Variants in SUGP1 observed in about 807,000 individuals in gnomAD.
The protein encoded by SUGP1 is SURP and G-patch domain containing 1.
Under a neutral mutation model 76.5 loss-of-function variants are expected in SUGP1, and 34 were observed. The observed-to-expected ratio is 0.44, with a 90% confidence interval of 0.34 to 0.59. SUGP1 has a LOEUF of 0.59. Among genes scored for constraint, SUGP1 ranks in the 20% least tolerant of loss-of-function variants. The pLI is 0.01. For synonymous variants in SUGP1, 326 were observed against 326.2 expected, an observed-to-expected ratio of 1.00 and a Z score of 0.01; for missense variants, 752 against 851.7, an observed-to-expected ratio of 0.88 and a Z score of 1.46.
Position 19,279,201 on chromosome 19 carries a change from T to G in SUGP1, c.1528+12A>C. ...CCCAGCCCAGCCCGGCCCACCCCGC[T>G]GCCCCACATACCCCTGGTCTTATCC... On this transcript the variant is annotated intron_variant, in intron 10 of 13. Transcript: ENST00000247001. The G allele has an allele frequency of 4.2e-5, 48 of 1,148,770 alleles. No homozygotes were observed. The highest frequency in any genetic ancestry group is 5.7e-5 in the Non-Finnish European group (46 of 807,746). 71.2% of individuals were successfully genotyped at this position (1,148,770 alleles called of 1,614,324 possible).
chr19:19,320,428 C>G, intron 1 of SUGP1, 35 bp downstream of exon 1: 2 of 1,606,414 alleles, frequency 1.2e-6, no homozygotes, highest in South Asian at 2.2e-5. Flanking sequence ...CCCAGGGACC[C>G]AGGCGGCCGC....
chr19:19,292,767 C>T (rs2061195821), intron 8 of SUGP1, among the ~76,000 whole-genome samples: 1 of 152,138 alleles, frequency 6.6e-6, no homozygotes, highest in African/African-American at 2.4e-5. Flanking sequence ...AATTCAGCAG[C>T]TTATGAAAGG....
At chr19:19,310,231 A>T in intron 2 of SUGP1, 31 bp from the exon 3 acceptor site, 3 of 1,558,546 alleles carry the variant, frequency 1.9e-6, no homozygotes, top group Non-Finnish European at 1.8e-6. Context: ...AGAGAGGGTG[A>T]GCTGGCTAGA....
intron 8 of SUGP1, among the ~76,000 whole-genome samples, chr19:19,281,998 G>C (rs550555060): frequency 6.6e-6 from 1 of 151,986 alleles, no homozygotes; most frequent in Non-Finnish European, 1.5e-5. Context: ...CATTTTTCCC[G>C]AGATGGAGTC....
intron 8 of SUGP1, among the ~76,000 whole-genome samples, chr19:19,284,479 A>G (rs556579760): frequency 1.3e-5 from 2 of 152,274 alleles, no homozygotes; most frequent in African/African-American, 4.8e-5. Flanking sequence ...AAAAAGAAGA[A>G]GAGAAATTCA....
intron 6 of SUGP1, chr19:19,302,604 G>T (rs2061281067): frequency 6.3e-6 from 4 of 637,250 alleles, no homozygotes; most frequent in South Asian, 2.0e-5. Flanking sequence ...CACAAGGGAG[G>T]TCAAGAGGGC....
chr19:19,317,529 T>C (rs1221215464), intron 1 of SUGP1, among the ~76,000 whole-genome samples: 1 of 152,082 alleles, frequency 6.6e-6, no homozygotes, highest in East Asian at 1.9e-4. Flanking sequence ...CCATTGGGTC[T>C]TTTTTTGAGA....
chr19:19,288,650 G>C (rs375431334), intron 8 of SUGP1, among the ~76,000 whole-genome samples: 17 of 152,168 alleles, frequency 1.1e-4, no homozygotes, highest in African/African-American at 3.9e-4. Context: ...AAGCTACTTG[G>C]GAGCCTAAGG....
chr19:19,302,493 CAA>C, intron 6 of SUGP1, 105 bp from the exon 7 acceptor site: 1 of 1,469,012 alleles, frequency 6.8e-7, no homozygotes, highest in South Asian at 1.3e-5. Flanking sequence ...AGGAATGATG[CAA>C]AGAGAAACAG....
At position 19,303,815 on chromosome 19, in the gene SUGP1, C is replaced by G; in HGVS notation, c.571G>C (p.Val191Leu). ...ACAAAGCGGGCCAATTTCTCTATCA[C>G]TTTCCGAGTCTCGGCTCCCTCTGGG... ...SPPEGAETRK[V>L]IEKLARFVAE... is the part of the protein sequence containing the mutation. Residue 191 changes from valine to leucine, a missense_variant, in exon 5 of 14, where the codon GTG (valine) becomes CTG (leucine). By Grantham distance (32) the Val-to-Leu change is conservative. Transcript: ENST00000247001. The G allele has an allele frequency of 6.2e-7, 1 of 1,614,208 alleles. No homozygotes were observed. Among genetic ancestry groups the G allele is most frequent in the Non-Finnish European group, 8.5e-7 (1 of 1,180,044 alleles).
chr19:19,297,012 T>A lies in SUGP1; in HGVS notation c.1220A>T (p.Asp407Val), dbSNP rs773612129. 6.3e-7 allele frequency: 1 copy of A among 1,587,344 alleles called. No individual in the cohort carries two copies. Among genetic ancestry groups the A allele is most frequent in the Non-Finnish European group, 8.6e-7 (1 of 1,161,152 alleles). The change falls in exon 8 of 14, where the codon GAT (aspartate) becomes GTT (valine). Residue 407 changes from aspartate (D) to valine (V), a missense_variant. Physicochemically the swap from Asp to Val is radical, Grantham distance 152 (BLOSUM62 -3). Transcript: ENST00000247001. ...PPAELVQRDV[D>V]ASPSPLSVQD... Reference sequence around the variant, plus strand: ...ACCTGACAGAGGCGAGGGAGAGGCATCCACGTCCCTCTGCACCAGTTCAGC... The same window carrying A: ...ACCTGACAGAGGCGAGGGAGAGGCAACCACGTCCCTCTGCACCAGTTCAGC...
In SUGP1 at chr19:19,282,860, A is replaced by G. The variant is rs537927053; in HGVS notation, c.1244-2569T>C. On this transcript the variant is annotated intron_variant, in intron 8 of 13. Coordinates refer to ENST00000247001, the MANE Select transcript of SUGP1 (RefSeq NM_172231.4). ...TGGGAGGCCAAGGTGGGCGGATCACAAGGTCAGAAGATCGAGACCATCCTG... is the reference window on the plus strand; with the variant it reads ...TGGGAGGCCAAGGTGGGCGGATCACGAGGTCAGAAGATCGAGACCATCCTG... 1.6e-4 allele frequency among the ~76,000 whole-genome samples: 24 copies of G among 152,262 alleles called. No individual in the cohort carries two copies. The South Asian group carries it at 1.7e-3, about 11-fold the overall frequency.
chr19:19,280,624 A>G (rs913725167), intron 8 of SUGP1: 1 of 288,762 alleles, frequency 3.5e-6, no homozygotes, highest in Non-Finnish European at 6.7e-6. Context: ...GCAGAGCCAG[A>G]GACAAGAGAG....
chr19:19,302,209 C>G (rs1599862049), intron 7 of SUGP1, 56 bp downstream of exon 7: 2 of 1,606,480 alleles, frequency 1.2e-6, no homozygotes, highest in East Asian at 4.5e-5. Flanking sequence ...GTGTCCTCCC[C>G]TGCAGGGGGA....
At chr19:19,316,298 C>T in intron 2 of SUGP1, 124 bp downstream of exon 2, 1 of 1,259,330 alleles carries the variant, frequency 7.9e-7, no homozygotes, top group African/African-American at 1.5e-5. Flanking sequence ...CTGGGTCATT[C>T]CTTGGATCAT....
At chr19:19,296,118 A>C (rs1048575385) in intron 8 of SUGP1, among the ~76,000 whole-genome samples, 3 of 152,014 alleles carry the variant, frequency 2.0e-5, no homozygotes, top group African/African-American at 7.3e-5. Flanking sequence ...GAAGTTCAAG[A>C]CCAGCCTCAG....
chr19:19,306,998 C>T (rs1307990798), intron 3 of SUGP1, among the ~76,000 whole-genome samples: 1 of 151,966 alleles, frequency 6.6e-6, no homozygotes, highest in Non-Finnish European at 1.5e-5. Context: ...GAGAGCAGGA[C>T]TAGGGCCCCC....
At chr19:19,287,220 G>A (rs1014909079) in intron 8 of SUGP1, among the ~76,000 whole-genome samples, 24 of 152,044 alleles carry the variant, frequency 1.6e-4, no homozygotes, top group East Asian at 7.7e-4. Flanking sequence ...GCAGTGAGCC[G>A]AGATCGTGCC....
Position 19,306,056 on chromosome 19 carries a change from T to C in SUGP1, c.331A>G (p.Ser111Gly), listed in dbSNP as rs2061315461. ...TSTDAPTSAP[S>G]APPSTPTPSA... ...GGGGTGGGTGTGCTGGGAGGGGCGC[T>C]GGGCGCACTGGTCGGGGCGTCTGGT... Residue 111 changes from serine (S) to glycine (G), a missense_variant, in exon 4 of 14, where the codon AGC (serine) becomes GGC (glycine). Around this residue, in one of 2 missense-constraint regions of SUGP1, gnomAD observed 620 missense variants for 617.3 expected, o/e 1.00. Coordinates refer to ENST00000247001, the MANE Select transcript of SUGP1 (RefSeq NM_172231.4). 1 of 1,604,140 alleles carries C rather than the reference T, an allele frequency of 6.2e-7. No homozygotes were observed. Among genetic ancestry groups the C allele is most frequent in the African/African-American group, 1.3e-5 (1 of 74,558 alleles).
Sources: gnomAD v4.1 joint callset for allele counts (sites outside exome capture counted in the v4.1 genomes callset) on GRCh38, gnomAD v4.1.1 for gene constraint, gnomAD v4.1.1 regional missense constraint, MANE v1.5 for transcripts, NCBI Gene and HGNC (gene_info 2026-07-23, HGNC 2026-07-21) for gene names.